The following USP24 variants were observed in gnomAD, a reference collection of about 807,000 sequenced individuals.
USP24 encodes the protein ubiquitin specific peptidase 24, also known as ubiquitin carboxyl-terminal hydrolase 24.
A neutral mutation model predicts 361.6 loss-of-function variants in USP24; 97 were observed. That is an observed-to-expected ratio of 0.27 (90% CI 0.23 to 0.32). The LOEUF (loss-of-function observed/expected upper bound fraction) is 0.32, where lower values mean the gene tolerates loss of function less well. Among genes scored for constraint, USP24 ranks in the 10% least tolerant of loss-of-function variants. The pLI, the probability that USP24 is intolerant of heterozygous loss-of-function variation, is 1.00. For synonymous variants in USP24, 1,098 were observed against 1,124.6 expected (o/e 0.98, Z 0.47); for missense variants, 2,353 against 3,165.6 (o/e 0.74, Z 6.16).
intron 1 of USP24, among the ~76,000 whole-genome samples, chr1:55,182,294 A>C (rs1643996702): frequency 6.6e-6 from 1 of 152,088 alleles, no homozygotes; most frequent in South Asian, 2.1e-4. Flanking sequence ...TCATCGTGAT[A>C]TGCCCACCTT....
chr1:55,129,902 T>C (rs575380496), intron 31 of USP24, among the ~76,000 whole-genome samples: 1 of 152,320 alleles, frequency 6.6e-6, no homozygotes, highest in East Asian at 1.9e-4. Flanking sequence ...TTTAGAAAGA[T>C]ATACACCAAA....
At position 55,156,967 on chromosome 1, in the gene USP24, G is replaced by C. The variant is rs1647734509; in HGVS notation, c.1427C>G (p.Thr476Ser). 1 of 1,612,624 alleles carries C rather than the reference G, an allele frequency of 6.2e-7. No homozygotes were observed. The highest frequency in any genetic ancestry group is 2.2e-5 in the East Asian group (1 of 44,786). ...ACCTACCTGTATCTTCCAAATTTTA[G>C]TGAGTTCATCTAACGACAATTTACT... ...LGSKLSLDELTKIWKIQSGQS... is the reference protein window; with the variant it reads ...LGSKLSLDELSKIWKIQSGQS... The change falls in exon 12 of 68, where the codon ACT becomes AGT. Residue 476 changes from threonine (T) to serine (S), a missense_variant. Thr to Ser is a moderately conservative substitution (Grantham distance 58). Around this residue, in one of 8 missense-constraint regions of USP24, gnomAD observed 386 missense variants for 560.5 expected, o/e 0.69. Transcript: ENST00000294383.
intron 28 of USP24, 110 bp from the exon 29 acceptor site, chr1:55,134,523 T>C: frequency 2.1e-6 from 2 of 948,202 alleles, no homozygotes; most frequent in Non-Finnish European, 1.6e-6. Flanking sequence ...GGCTGGTCAC[T>C]GTAAAGCTTG....
chr1:55,081,506 A>T, intron 58 of USP24, 82 bp from the exon 59 acceptor site: 1 of 1,314,308 alleles, frequency 7.6e-7, no homozygotes, highest in South Asian at 1.2e-5. Context: ...TTGCTGGTTC[A>T]TAATATTCTG....
chr1:55,076,729 T>C (rs937398675), intron 62 of USP24, among the ~76,000 whole-genome samples: 43 of 152,318 alleles, frequency 2.8e-4, no homozygotes, highest in Middle Eastern at 3.4e-3. Context: ...GATTTTTTTT[T>C]CCCCTGCTCT....
chr1:55,200,213 C>T (rs555354187), intron 1 of USP24, among the ~76,000 whole-genome samples: 306 of 152,328 alleles, frequency 2.0e-3, no homozygotes, highest in African/African-American at 7.2e-3. Flanking sequence ...AAATTTGTAG[C>T]AGACCATTTT....
At chr1:55,096,747 A>G in intron 49 of USP24, 125 bp from the exon 50 acceptor site, 1 of 1,416,350 alleles carries the variant, frequency 7.1e-7, no homozygotes, top group East Asian at 2.3e-5. Context: ...TATCTAAGAA[A>G]TATGTAGCAA....
chr1:55,166,493 A>G, intron 6 of USP24, 75 bp downstream of exon 6: 1 of 1,353,940 alleles, frequency 7.4e-7, no homozygotes, highest in Non-Finnish European at 1.0e-6. Context: ...CATTTGCTTA[A>G]TATACCAAAC....
intron 67 of USP24, among the ~76,000 whole-genome samples, chr1:55,070,577 G>A (rs1364505447): frequency 6.6e-6 from 1 of 152,254 alleles, no homozygotes; most frequent in Non-Finnish European, 1.5e-5. Flanking sequence ...GAGGGAGTTA[G>A]CAGGGAAGAG....
rs1169526592 is a variant in USP24, at chr1:55,172,360, T to C, written c.702+17A>G. On this transcript the variant is annotated intron_variant, in intron 4 of 67. Coordinates refer to ENST00000294383, the MANE Select transcript of USP24 (RefSeq NM_015306.3). ...CAAAATCAAAACACAAAGTACTTAA[T>C]TTTAGAGATACTATACCATTGTAAG... 6.3e-7 allele frequency: 1 copy of C among 1,578,188 alleles called. No homozygotes were observed. Among genetic ancestry groups the C allele is most frequent in the Non-Finnish European group, 8.6e-7 (1 of 1,165,708 alleles).
Position 55,081,314 on chromosome 1 carries a change from A to T in USP24, c.7078+8T>A. ...GTATCTCTTCATTCTAAGATATGTT[A>T]AGCTTACCAACATTCCTTTGGGATG... is the stretch of plus-strand genomic sequence containing the variant. On this transcript the variant is annotated splice_region_variant and intron_variant, in intron 59 of 67. Coordinates refer to ENST00000294383, the MANE Select transcript of USP24 (RefSeq NM_015306.3). The T allele has an allele frequency of 6.2e-7, 1 of 1,612,638 alleles. No individual in the cohort carries two copies. The highest frequency in any genetic ancestry group is 8.5e-7 in the Non-Finnish European group (1 of 1,178,798).
At chr1:55,196,373 C>G (rs1159875405) in intron 1 of USP24, among the ~76,000 whole-genome samples, 1 of 152,172 alleles carries the variant, frequency 6.6e-6, no homozygotes, top group Non-Finnish European at 1.5e-5. Context: ...TCCAAGGAGA[C>G]TTTTAGACAT....
chr1:55,153,292 A>C (rs1218442205), intron 16 of USP24, among the ~76,000 whole-genome samples: 1 of 152,190 alleles, frequency 6.6e-6, no homozygotes, highest in Non-Finnish European at 1.5e-5. Flanking sequence ...ACAGTCCAGA[A>C]GTTCACAGTA....
chr1:55,105,286 C>T (rs768666376), intron 41 of USP24, among the ~76,000 whole-genome samples: 2 of 152,180 alleles, frequency 1.3e-5, no homozygotes, highest in Non-Finnish European at 2.9e-5. Flanking sequence ...GAGTCACAGC[C>T]TGAGGAATAC....
intron 55 of USP24, among the ~76,000 whole-genome samples, chr1:55,088,518 T>C (rs1239573913): frequency 6.6e-6 from 1 of 152,110 alleles, no homozygotes; most frequent in Non-Finnish European, 1.5e-5. Context: ...GGAGAGAGGA[T>C]ACTTCCTCTA....
At chr1:55,154,488 G>C (rs1423482370) in intron 13 of USP24, 22 bp from the exon 14 acceptor site, 7 of 1,544,648 alleles carry the variant, frequency 4.5e-6, no homozygotes, top group Non-Finnish European at 6.1e-6. Context: ...AAAAGACACA[G>C]GAATTGCTTC....
At chr1:55,152,289 T>C (rs1647222747) in intron 16 of USP24, among the ~76,000 whole-genome samples, 1 of 152,214 alleles carries the variant, frequency 6.6e-6, no homozygotes, top group African/African-American at 2.4e-5. Context: ...TTTTTGAGTT[T>C]TGTTATAAAA....
rs1057498078 is a variant in USP24, at chr1:55,092,206, TAC to T, written c.6451-82_6451-81del. The T allele has an allele frequency of 6.6e-5, 59 of 897,996 alleles. No individual in the cohort carries two copies. In the African/African-American group the frequency reaches 8.2e-4, roughly 12 times the overall value. 55.6% of individuals were successfully genotyped at this position (897,996 alleles called of 1,614,324 possible). A position where few individuals can be genotyped will look rare whatever the true frequency, so the allele number is the denominator to read the frequency against. ...TACACAGTTACGAACTAAATTATGA[TAC>T]ACACACAATATATGAATATGATATA... On this transcript the variant is annotated intron_variant, in intron 53 of 67. Transcript: ENST00000294383.
At chr1:55,092,785 C>T (rs760955233) in intron 53 of USP24, 36 bp downstream of exon 53, 13 of 1,400,060 alleles carry the variant, frequency 9.3e-6, no homozygotes, top group African/African-American at 1.5e-5. Context: ...TAATTGTAAC[C>T]CTTTCTTATT....
Sources: gnomAD v4.1 joint callset for allele counts (sites outside exome capture counted in the v4.1 genomes callset) on GRCh38, gnomAD v4.1.1 for gene constraint, gnomAD v4.1.1 regional missense constraint, MANE v1.5 for transcripts, NCBI Gene and HGNC (gene_info 2026-07-23, HGNC 2026-07-21) for gene names.